Variants in AGA observed in about 807,000 individuals in gnomAD.
The protein encoded by AGA is aspartylglucosaminidase.
A neutral mutation model predicts 40.1 loss-of-function variants in AGA; 31 were observed. The ratio of observed to expected loss-of-function variants is 0.77; its 90% CI spans 0.58 to 1.04. The LOEUF (loss-of-function observed/expected upper bound fraction) is 1.04, where lower values mean the gene tolerates loss of function less well. Ranked by LOEUF, AGA falls within the 50% of genes least tolerant of loss-of-function variation. The probability of loss-of-function intolerance (pLI) is 0.00; values close to 1 mark genes in which losing one functional copy is unlikely to be tolerated. For synonymous variants in AGA, 148 were observed against 144.0 expected (o/e 1.03, Z -0.20); for missense variants, 445 against 435.4 (o/e 1.02, Z -0.20).
At position 177,440,291 on chromosome 4, in the gene AGA, T is replaced by C. The variant is rs139812241; in HGVS notation, c.263A>G (p.Asp88Gly). 12 of 1,613,888 alleles carry C rather than the reference T, an allele frequency of 7.4e-6. No homozygotes were observed. In the African/African-American group the frequency reaches 1.2e-4, roughly 16 times the overall value. The change falls in exon 2 of 9, where the codon GAT becomes GGT. Residue 88 changes from aspartate to glycine, a missense_variant. Asp to Gly is a moderately conservative substitution (Grantham distance 94). Coordinates refer to ENST00000264595, the MANE Select transcript of AGA (RefSeq NM_000027.4). ...SPDELGETTL[D>G]AMIMDGTTMD... ...TTCTTACCCATCCATGATCATGGCA[T>C]CTAGTGTGGTTTCTCCAAGTTCATC...
At chr4:177,440,649 AG>A (rs1375523441) in intron 1 of AGA, among the ~76,000 whole-genome samples, 1 of 146,750 alleles carries the variant, frequency 6.8e-6, no homozygotes, top group African/African-American at 2.6e-5. Flanking sequence ...TGCAAGCTGA[AG>A]GTTTTTTTTT....
chr4:177,440,081 C>G, intron 2 of AGA, 192 bp downstream of exon 2: 3 of 663,522 alleles, frequency 4.5e-6, no homozygotes, highest in Non-Finnish European at 5.2e-6. Flanking sequence ...ACCTATCTCT[C>G]CATGTGATAT....
At chr4:177,440,677 T>C (rs533656663) in intron 1 of AGA, among the ~76,000 whole-genome samples, 87 of 151,824 alleles carry the variant, frequency 5.7e-4, no homozygotes, top group Admixed American at 6.6e-4. Context: ...CTTACTAATA[T>C]CTATCTCTTC....
chr4:177,441,186 A>G (rs1736994813), intron 1 of AGA, among the ~76,000 whole-genome samples: 1 of 151,924 alleles, frequency 6.6e-6, no homozygotes, highest in South Asian at 2.1e-4. Flanking sequence ...TTGAAAGTGT[A>G]TTTACGCAAG....
At chr4:177,442,221 G>A (rs1234973915) in intron 1 of AGA, 28 bp downstream of exon 1, 1 of 1,612,054 alleles carries the variant, frequency 6.2e-7, no homozygotes, top group South Asian at 1.1e-5. Flanking sequence ...TCGCGGCGCA[G>A]CCGCCCGCCC....
chr4:177,442,265 C>G lies in AGA; in HGVS notation c.111G>C (p.Lys37Asn), dbSNP rs1016029425. 6 of 1,614,002 alleles carry G rather than the reference C, an allele frequency of 3.7e-6. No individual in the cohort carries two copies. Among genetic ancestry groups the G allele is most frequent in the Non-Finnish European group, 5.1e-6 (6 of 1,179,924 alleles). Residue 37 changes from lysine to asparagine, a missense_variant, in exon 1 of 9, where the codon AAG (lysine) becomes AAC (asparagine). Lys to Asn is a moderately conservative substitution (Grantham distance 94). Transcript: ENST00000264595. ...AACCCGCACCTGCTTCGGTTGCATT[C>G]TTAAAGGGCCAAGTGTTGACGACCA... ...LPLVVNTWPF[K>N]NATEAAWRAL...
At chr4:177,439,395 C>A (rs1418169777) in intron 3 of AGA, among the ~76,000 whole-genome samples, 181 bp downstream of exon 3, 2 of 152,072 alleles carry the variant, frequency 1.3e-5, no homozygotes, top group African/African-American at 4.8e-5. Flanking sequence ...ACTTCCATTG[C>A]CTTCTTCTTA....
chr4:177,436,705 C>G (rs866215237), intron 5 of AGA, among the ~76,000 whole-genome samples: 1 of 152,230 alleles, frequency 6.6e-6, no homozygotes, highest in African/African-American at 2.4e-5. Flanking sequence ...CTTGAACTTC[C>G]CAGCCTCCGT....
In AGA at chr4:177,433,337, C is replaced by A; in HGVS notation, c.817G>T (p.Val273Leu). 6.2e-7 allele frequency: 1 copy of A among 1,614,042 alleles called. No individual in the cohort carries two copies. The highest frequency in any genetic ancestry group is 8.5e-7 in the Non-Finnish European group (1 of 1,179,976). ...LMRFLPSYQAVEYMRRGEDPT... is the reference protein window; with the variant it reads ...LMRFLPSYQALEYMRRGEDPT... ...TCTTCTCCTCTTCTCATGTATTCTA[C>A]AGCTTGGTAGCTGATTGAAACAGAG... The change falls in exon 8 of 9, where the codon GTA (valine) becomes TTA (leucine). Residue 273 changes from valine (V) to leucine (L), a missense_variant. Coordinates refer to ENST00000264595, the MANE Select transcript of AGA (RefSeq NM_000027.4).
At chr4:177,437,190 C>A in intron 5 of AGA, 7 of 499,726 alleles carry the variant, frequency 1.4e-5, no homozygotes, top group Admixed American at 3.6e-5. Context: ...TTTAAAAATC[C>A]GCAAGTGAAT....
At chr4:177,435,786 G>C (rs949324181) in intron 6 of AGA, among the ~76,000 whole-genome samples, 1 of 146,430 alleles carries the variant, frequency 6.8e-6, no homozygotes, top group East Asian at 2.0e-4. Flanking sequence ...AGCCCTGAGC[G>C]TGCACGCACA....
chr4:177,436,202 C>T, intron 6 of AGA, 74 bp downstream of exon 6: 2 of 1,247,658 alleles, frequency 1.6e-6, no homozygotes, highest in Non-Finnish European at 1.2e-6. Flanking sequence ...GCTTTGCAAC[C>T]CCCATAGCAC....
chr4:177,433,275 G>A lies in AGA; in HGVS notation c.879C>T (p.Ile293=). The A allele has an allele frequency of 6.2e-7, 1 of 1,614,060 alleles. No individual in the cohort carries two copies. Among genetic ancestry groups the A allele is most frequent in the South Asian group, 1.1e-5 (1 of 91,086 alleles). ...CAAAGAATTCTGGAAAATGCTTCTG[G>A]ATTCTTGAAATCACTTTTTGGCAAG... ...TIACQKVISR[I]QKHFPEFFGA... is the part of the protein sequence containing the mutation. The change falls in exon 8 of 9, where the codon ATC becomes ATT. Residue 293 remains isoleucine, a synonymous_variant. Transcript: ENST00000264595.
At chr4:177,434,778 G>A (rs551784473) in intron 6 of AGA, among the ~76,000 whole-genome samples, 7 of 152,290 alleles carry the variant, frequency 4.6e-5, no homozygotes, top group Admixed American at 3.3e-4. Context: ...AGGGGGACCT[G>A]GCGAGATGCG....
At position 177,434,438 on chromosome 4, in the gene AGA, A is replaced by C; in HGVS notation, c.750T>G (p.Thr250=). 1 of 1,614,200 alleles carries C rather than the reference A, an allele frequency of 6.2e-7. No individual in the cohort carries two copies. Among genetic ancestry groups the C allele is most frequent in the Non-Finnish European group, 8.5e-7 (1 of 1,180,040 alleles). ...TCCCAGTGGCTGCGGCTGCCCCTGC[A>C]GTATCGTCAGCATAGGCTCCAGCTC... is the stretch of plus-strand genomic sequence containing the variant. ...IPGAGAYADD[T]AGAAAATGNG... The change falls in exon 7 of 9, where the codon ACT becomes ACG. Residue 250 remains threonine (T), a synonymous_variant. Coordinates refer to ENST00000264595, the MANE Select transcript of AGA (RefSeq NM_000027.4).
In AGA at chr4:177,434,430, G is replaced by A. The variant is rs1736735261; in HGVS notation, c.758C>T (p.Ala253Val). The A allele has an allele frequency of 3.1e-6, 5 of 1,614,054 alleles. No individual in the cohort carries two copies. The highest frequency in any genetic ancestry group is 2.5e-6 in the Non-Finnish European group (3 of 1,180,042). Reference sequence around the variant, plus strand: ...ATCACCATTCCCAGTGGCTGCGGCTGCCCCTGCAGTATCGTCAGCATAGGC... The same window carrying A: ...ATCACCATTCCCAGTGGCTGCGGCTACCCCTGCAGTATCGTCAGCATAGGC... ...AGAYADDTAGAAAATGNGDIL... is the reference protein window; with the variant it reads ...AGAYADDTAGVAAATGNGDIL... The change falls in exon 7 of 9, where the codon GCA (alanine) becomes GTA (valine). Residue 253 changes from alanine to valine, a missense_variant. Transcript: ENST00000264595.
At chr4:177,434,904 AT>A (rs34327660) in intron 6 of AGA, among the ~76,000 whole-genome samples, 20 of 148,302 alleles carry the variant, frequency 1.3e-4, no homozygotes, top group South Asian at 2.1e-4. Context: ...TGCGAAGTAG[AT>A]TTTTTTTTTT....
intron 6 of AGA, among the ~76,000 whole-genome samples, 156 bp downstream of exon 6, chr4:177,436,120 C>T (rs191586025): frequency 6.6e-6 from 1 of 152,300 alleles, no homozygotes; most frequent in Non-Finnish European, 1.5e-5. Context: ...GACTCCCTCT[C>T]CTGTGGCACT....
intron 3 of AGA, 137 bp downstream of exon 3, chr4:177,439,436 ACTT>A: frequency 1.4e-6 from 1 of 739,512 alleles, no homozygotes; most frequent in South Asian, 1.4e-5. Flanking sequence ...TTTAAAAGTT[ACTT>A]ATCCAGTTCA....
Sources: gnomAD v4.1 joint callset for allele counts (sites outside exome capture counted in the v4.1 genomes callset) on GRCh38, gnomAD v4.1.1 for gene constraint, MANE v1.5 for transcripts, NCBI Gene and HGNC (gene_info 2026-07-23, HGNC 2026-07-21) for gene names.